CYTH2: variants seen among roughly 807,000 people sequenced by gnomAD.
CYTH2 encodes cytohesin 2.
CYTH2 carries 24 observed loss-of-function variants against 55.4 expected under a neutral mutation model. That is an observed-to-expected ratio of 0.43 (90% CI 0.31 to 0.61). The LOEUF is 0.61. Among genes scored for constraint, CYTH2 ranks in the 20% least tolerant of loss-of-function variants. CYTH2 has a pLI of 0.08. For synonymous variants in CYTH2, 221 were observed against 209.6 expected, an observed-to-expected ratio of 1.05 and a Z score of -0.47; for missense variants, 378 against 533.5, an observed-to-expected ratio of 0.71 and a Z score of 2.87.
At chr19:48,469,981 C>T (rs1031483216) in intron 1 of CYTH2, 2 of 555,398 alleles carry the variant, frequency 3.6e-6, no homozygotes, top group African/African-American at 3.8e-5. Context: ...GTCCGGATAA[C>T]CAGGTCCCCA....
At position 48,473,279 on chromosome 19, in the gene CYTH2, CTT is replaced by C. The variant is rs773486838; in HGVS notation, c.354-17_354-16del. The stretch of plus-strand genomic sequence containing the variant: ...CCCATCCTTTCCAAACTGTATGTGT[CTT>C]TGTCCCATCCTTCCAGGGAAGAACT... On this transcript the variant is annotated splice_polypyrimidine_tract_variant and intron_variant, in intron 4 of 11. Coordinates refer to ENST00000452733, the MANE Select transcript of CYTH2 (RefSeq NM_004228.7). 1.4e-5 allele frequency: 23 copies of C among 1,613,748 alleles called. No individual in the cohort carries two copies. In the East Asian group the frequency reaches 4.2e-4, roughly 30 times the overall value.
rs2147518399 is a variant in CYTH2, at chr19:48,481,285, A to G, written c.*2075A>G. ...GCCATGACTGAGGTGGTCGAAAGGG[A>G]GTATTTAAGGGGAAATCAGGCATTC... On this transcript the variant is annotated 3_prime_UTR_variant, in exon 12 of 12. Coordinates refer to ENST00000452733, the MANE Select transcript of CYTH2 (RefSeq NM_004228.7). 6.5e-6 allele frequency: 1 copy of G among 153,166 alleles called. No individual in the cohort carries two copies. The highest frequency in any genetic ancestry group is 6.5e-5 in the Admixed American group (1 of 15,308). The allele number at this position is 153,166 out of a possible 1,614,324, so 9.5% of individuals were successfully genotyped here.
chr19:48,475,017 A>T (rs770361285), intron 8 of CYTH2, 68 bp downstream of exon 8: 2 of 1,417,878 alleles, frequency 1.4e-6, no homozygotes, highest in Non-Finnish European at 2.0e-6. Context: ...CCCTGGACTC[A>T]GCTTCCGCAC....
Position 48,473,986 on chromosome 19 carries a change from C to T in CYTH2, c.516C>T (p.Cys172=). Residue 172 remains cysteine, a synonymous_variant, in exon 6 of 12, where the codon TGC becomes TGT. Transcript: ENST00000452733. ...TGGAGGCCTTCGCCCAGCGATACTGCCTGTGCAACCCTGGGGTTTTCCAGT... is the reference window on the plus strand; with the variant it reads ...TGGAGGCCTTCGCCCAGCGATACTGTCTGTGCAACCCTGGGGTTTTCCAGT... ...RMMEAFAQRY[C]LCNPGVFQST... is the part of the protein sequence containing the mutation. 8 of 1,613,290 alleles carry T rather than the reference C, an allele frequency of 5.0e-6. No homozygotes were observed. Among genetic ancestry groups the T allele is most frequent in the Non-Finnish European group, 6.8e-6 (8 of 1,179,630 alleles).
At chr19:48,473,009 A>G in intron 4 of CYTH2, 1 of 389,598 alleles carries the variant, frequency 2.6e-6, no homozygotes, top group Non-Finnish European at 4.8e-6. Flanking sequence ...CATGGGGATC[A>G]TTTGAGAGAG....
rs549462204 is a variant in CYTH2 at position 48,478,148 on chromosome 19, G to C, written c.885+3G>C. On this transcript the variant is annotated splice_donor_region_variant and intron_variant, in intron 9 of 11. Transcript: ENST00000452733. ...TCTACTACTTTGAGTACACCACGGTGAGCGTGACCCGACCCGGGCTCTGGG... is the reference window on the plus strand; with the variant it reads ...TCTACTACTTTGAGTACACCACGGTCAGCGTGACCCGACCCGGGCTCTGGG... The C allele has an allele frequency of 4.3e-6, 7 of 1,613,940 alleles. No individual in the cohort carries two copies. The highest frequency in any genetic ancestry group is 1.7e-5 in the Admixed American group (1 of 60,016).
chr19:48,475,072 C>A, intron 8 of CYTH2, 123 bp downstream of exon 8: 1 of 832,460 alleles, frequency 1.2e-6, no homozygotes, highest in Middle Eastern at 2.4e-4. Context: ...CCTCTCTGAA[C>A]CTCAGTTTTC....
intron 4 of CYTH2, 197 bp downstream of exon 4, chr19:48,472,640 A>C (rs1022550827): frequency 1.6e-6 from 1 of 630,572 alleles, no homozygotes; most frequent in Admixed American, 2.4e-5. Context: ...AACCGAGAGC[A>C]TCTGGGGATG....
intron 3 of CYTH2, among the ~76,000 whole-genome samples, chr19:48,471,873 T>C (rs960922677): frequency 1.3e-5 from 2 of 152,162 alleles, no homozygotes; most frequent in African/African-American, 2.4e-5. Context: ...AGCATAGTGA[T>C]AACTCATCTC....
chr19:48,469,528 T>G lies in CYTH2; in HGVS notation c.19+2T>G. ...CCGCCATGGAGGACGGCGTCTATGG[T>G]AGGTCGGGGAGGGGCGGGGTCGGCT... On this transcript the variant is annotated splice_donor_variant, in intron 1 of 11. Coordinates refer to ENST00000452733, the MANE Select transcript of CYTH2 (RefSeq NM_004228.7). LOFTEE classifies it high-confidence loss of function. 7.5e-7 allele frequency: 1 copy of G among 1,328,616 alleles called. No individual in the cohort carries two copies. 82.3% of individuals were successfully genotyped at this position (1,328,616 alleles called of 1,614,324 possible). A position where few individuals can be genotyped will look rare whatever the true frequency, so the allele number is the denominator to read the frequency against.
At position 48,479,174 on chromosome 19, in the gene CYTH2, G is replaced by T; in HGVS notation, c.1164G>T (p.Lys388Asn). The change falls in exon 12 of 12, where the codon AAG becomes AAT. Residue 388 changes from lysine (K) to asparagine (N), a missense_variant. Lys to Asn is a moderately conservative substitution (Grantham distance 94). Transcript: ENST00000452733. ...ATGAGATGCTGGCAGCGAGAAAGAA[G>T]CGGATTTCAGTCAAGAAGAAGCAGG... ...PFYEMLAARK[K>N]RISVKKKQEQ... 1 of 1,614,096 alleles carries T rather than the reference G, an allele frequency of 6.2e-7. No individual in the cohort carries two copies. The highest frequency in any genetic ancestry group is 8.5e-7 in the Non-Finnish European group (1 of 1,179,972).
intron 1 of CYTH2, chr19:48,469,974 C>G (rs766398097): frequency 2.0e-5 from 11 of 553,146 alleles, no homozygotes; most frequent in Non-Finnish European, 3.9e-5. Context: ...CCCAGTAGTC[C>G]GGATAACCAG....
At chr19:48,477,541 TC>T in intron 8 of CYTH2, 1 of 155,374 alleles carries the variant, frequency 6.4e-6, no homozygotes, top group Non-Finnish European at 1.4e-5. Flanking sequence ...TCTCTCTCCC[TC>T]CCCTCCTCTC....
Position 48,474,921 on chromosome 19 carries a change from G to A in CYTH2, c.780G>A (p.Pro260=), listed in dbSNP as rs137985776. ...ACCTGACCCACACCTTCTTCAACCC[G>A]GACCGGGAGGGCTGGCTCCTGAAGC... ...GNDLTHTFFN[P]DREGWLLKLG... The change falls in exon 8 of 12, where the codon CCG becomes CCA. Residue 260 remains proline, a synonymous_variant. Coordinates refer to ENST00000452733, the MANE Select transcript of CYTH2 (RefSeq NM_004228.7). This position sits in a 1 kb window ranked among gnomAD's most constrained non-coding sequence, Gnocchi z 4.9. 137 of 1,614,020 alleles carry A rather than the reference G, an allele frequency of 8.5e-5. No individual in the cohort carries two copies. The highest frequency in any genetic ancestry group is 1.1e-4 in the Non-Finnish European group (131 of 1,180,008).
intron 1 of CYTH2, 37 bp from the exon 2 acceptor site, chr19:48,470,316 C>T (rs747593916): frequency 6.3e-7 from 1 of 1,575,750 alleles, no homozygotes; most frequent in Non-Finnish European, 8.6e-7. Context: ...CTCACGGCCC[C>T]TAGCACTGAC....
At chr19:48,471,035 G>A (rs567960329) in intron 3 of CYTH2, among the ~76,000 whole-genome samples, 1 of 152,300 alleles carries the variant, frequency 6.6e-6, no homozygotes, top group East Asian at 1.9e-4. Flanking sequence ...AGGTATCAGG[G>A]TAGTGGACCT....
rs147203128 is a variant in CYTH2 at position 48,479,032 on chromosome 19, G to C, written c.1113-91G>C. On this transcript the variant is annotated intron_variant, in intron 11 of 11. Coordinates refer to ENST00000452733, the MANE Select transcript of CYTH2 (RefSeq NM_004228.7). ...TCCTGGGTCTGAGGGAGGAGGGGCC[G>C]GGGGTCTGAGACTCCTCCTGGGTAT... 5.3e-6 allele frequency: 7 copies of C among 1,330,278 alleles called. No homozygotes were observed. In the Admixed American group the frequency reaches 7.1e-5, roughly 14 times the overall value. 82.4% of individuals were successfully genotyped at this position (1,330,278 alleles called of 1,614,324 possible).
chr19:48,472,203 GA>G (rs1452601339), intron 3 of CYTH2, 121 bp from the exon 4 acceptor site: 3 of 825,994 alleles, frequency 3.6e-6, no homozygotes, highest in Non-Finnish European at 5.9e-6. Flanking sequence ...TGAGAAGGCT[GA>G]AAATGAAACC....
At chr19:48,470,172 G>A in intron 1 of CYTH2, 181 bp from the exon 2 acceptor site, 1 of 987,852 alleles carries the variant, frequency 1.0e-6, no homozygotes, top group South Asian at 1.5e-5. Context: ...CAGGACTCAA[G>A]AGTTTAGAGC....
Sources: allele counts gnomAD v4.1 joint callset (sites outside exome capture counted in the v4.1 genomes callset), GRCh38; gene constraint gnomAD v4.1.1; non-coding constraint Gnocchi (gnomAD v3.1); transcripts MANE v1.5; gene names NCBI Gene and HGNC (gene_info 2026-07-23, HGNC 2026-07-21).